GSTA4: variants seen among roughly 807,000 people sequenced by gnomAD.
GSTA4 encodes the protein glutathione S-transferase A4.
Under a neutral mutation model 24.4 loss-of-function variants are expected in GSTA4, and 15 were observed. The ratio of observed to expected loss-of-function variants is 0.61; its 90% CI spans 0.41 to 0.95. The LOEUF (loss-of-function observed/expected upper bound fraction) is 0.95, where lower values mean the gene tolerates loss of function less well. Among genes scored for constraint, GSTA4 ranks in the 40% least tolerant of loss-of-function variants. The pLI, the probability that GSTA4 is intolerant of heterozygous loss-of-function variation, is 0.00. For synonymous variants in GSTA4, 92 were observed against 94.2 expected (o/e 0.98, Z 0.13); for missense variants, 244 against 262.1 (o/e 0.93, Z 0.48).
chr6:52,981,870 T>C (rs889241105), intron 6 of GSTA4, among the ~76,000 whole-genome samples: 1 of 152,204 alleles, frequency 6.6e-6, no homozygotes, highest in Non-Finnish European at 1.5e-5. Flanking sequence ...TGATCAATCC[T>C]GCCAGAATAA....
chr6:52,994,416 A>C (rs993288467), intron 1 of GSTA4, 155 bp from the exon 2 acceptor site: 263 of 552,312 alleles, frequency 4.8e-4, no homozygotes, highest in South Asian at 6.8e-4. Flanking sequence ...AGAAAAAAAA[A>C]CCACCATTTT....
chr6:52,984,365 TCA>T, intron 5 of GSTA4, 97 bp downstream of exon 5: 1 of 1,131,610 alleles, frequency 8.8e-7, no homozygotes, highest in South Asian at 1.5e-5. Context: ...TCAACTGGGC[TCA>T]GTTTTAAAAT....
chr6:52,990,526 GT>G (rs1763643047), intron 2 of GSTA4, among the ~76,000 whole-genome samples: 1 of 152,158 alleles, frequency 6.6e-6, no homozygotes, highest in South Asian at 2.1e-4. Flanking sequence ...TGATCAGCCT[GT>G]TCCTGTGATT....
chr6:52,978,235 C>T lies in GSTA4; in HGVS notation c.*235G>A, dbSNP rs1763382154. On this transcript the variant is annotated 3_prime_UTR_variant, in exon 7 of 7. Transcript: ENST00000370963. ...ACATGAGTAGCCCAATCAGATCTAA[C>T]TTAAATACCAGCCTCTCCAAAAAAG... is the stretch of plus-strand genomic sequence containing the variant. 1 of 471,618 alleles carries T rather than the reference C, an allele frequency of 2.1e-6. No homozygotes were observed. Among genetic ancestry groups the T allele is most frequent in the South Asian group, 2.5e-5 (1 of 39,632 alleles). The allele number at this position is 471,618 out of a possible 1,614,324, so 29.2% of individuals were successfully genotyped here.
chr6:52,994,446 C>A, intron 1 of GSTA4, 185 bp from the exon 2 acceptor site: 1 of 546,230 alleles, frequency 1.8e-6, no homozygotes, highest in East Asian at 2.9e-5. Flanking sequence ...AGAAAAAAAC[C>A]TTGGCTTTTA....
chr6:52,982,060 G>A (rs553262144), intron 6 of GSTA4, among the ~76,000 whole-genome samples: 3 of 152,330 alleles, frequency 2.0e-5, no homozygotes, highest in Admixed American at 6.5e-5. Flanking sequence ...ATAGCCTGAT[G>A]AATGAGACTG....
chr6:52,980,450 C>T (rs1045694257), intron 6 of GSTA4, among the ~76,000 whole-genome samples: 1 of 152,080 alleles, frequency 6.6e-6, no homozygotes, highest in Non-Finnish European at 1.5e-5. Context: ...ATTACAGGCA[C>T]ATGCCACCAT....
chr6:52,981,724 GA>G (rs45514994), intron 6 of GSTA4, among the ~76,000 whole-genome samples: 25,529 of 152,174 alleles, frequency 0.17, 2,594 homozygotes, highest in Admixed American at 0.27. Flanking sequence ...TAAGGTTCTA[GA>G]TAAAACTCAA....
intron 2 of GSTA4, 115 bp downstream of exon 2, chr6:52,994,042 G>A: frequency 1.3e-6 from 1 of 766,748 alleles, no homozygotes; most frequent in South Asian, 1.4e-5. Context: ...AGTGAAGCGT[G>A]CCTGTGATTT....
At chr6:52,991,745 G>A (rs1217902777) in intron 2 of GSTA4, among the ~76,000 whole-genome samples, 1 of 150,730 alleles carries the variant, frequency 6.6e-6, no homozygotes, top group Non-Finnish European at 1.5e-5. Context: ...CCAGATCTTG[G>A]CTATTAATAC....
At chr6:52,993,834 T>C in intron 2 of GSTA4, 1 of 381,926 alleles carries the variant, frequency 2.6e-6, no homozygotes, top group Non-Finnish European at 5.0e-6. Flanking sequence ...AACAAGAAAT[T>C]TACCCTGAGA....
intron 2 of GSTA4, among the ~76,000 whole-genome samples, chr6:52,993,128 A>T (rs1380092267): frequency 6.6e-6 from 1 of 152,204 alleles, no homozygotes; most frequent in Non-Finnish European, 1.5e-5. Context: ...ATTAGTAGAA[A>T]AAACAGTGAA....
At chr6:52,986,428 G>C (rs1763558095) in intron 3 of GSTA4, among the ~76,000 whole-genome samples, 1 of 152,118 alleles carries the variant, frequency 6.6e-6, no homozygotes, top group Non-Finnish European at 1.5e-5. Context: ...AACTAGCTGA[G>C]ACTCATGTAT....
chr6:52,984,668 T>G (rs939556799), intron 4 of GSTA4, 63 bp from the exon 5 acceptor site: 89 of 1,249,608 alleles, frequency 7.1e-5, no homozygotes, highest in Non-Finnish European at 8.3e-5. Flanking sequence ...TTTCCACAAC[T>G]AAGAATTCAG....
At chr6:52,982,475 T>TAG (rs1554164373) in intron 6 of GSTA4, 99 bp downstream of exon 6, 6 of 577,354 alleles carry the variant, frequency 1.0e-5, no homozygotes, top group African/African-American at 9.7e-5. Context: ...ATATTACACA[T>TAG]ACACACACAC....
chr6:52,980,925 C>G (rs1763440609), intron 6 of GSTA4, among the ~76,000 whole-genome samples: 2 of 152,172 alleles, frequency 1.3e-5, no homozygotes, highest in African/African-American at 4.8e-5. Context: ...GCCTAGCAGA[C>G]TGACTGGAAT....
intron 3 of GSTA4, among the ~76,000 whole-genome samples, chr6:52,986,502 A>C (rs1763560502): frequency 6.6e-6 from 1 of 152,208 alleles, no homozygotes; most frequent in African/African-American, 2.4e-5. Context: ...TTTACTACCA[A>C]GTTTGCTGTC....
At position 52,984,343 on chromosome 6, in the gene GSTA4, G is replaced by A. The variant is rs561210744; in HGVS notation, c.414+121C>T. 27 of 874,442 alleles carry A rather than the reference G, an allele frequency of 3.1e-5. No homozygotes were observed. The East Asian group carries it at 4.9e-4, about 16-fold the overall frequency. The allele number at this position is 874,442 out of a possible 1,614,324, so 54.2% of individuals were successfully genotyped here. A position where few individuals can be genotyped will look rare whatever the true frequency, so the allele number is the denominator to read the frequency against. Reference sequence around the variant, plus strand: ...TATTCGCTCTTAGGAGTCCATTAGCGCTTAGGTTAGTTCAACTGGGCTCAG... The same window carrying A: ...TATTCGCTCTTAGGAGTCCATTAGCACTTAGGTTAGTTCAACTGGGCTCAG... On this transcript the variant is annotated intron_variant, in intron 5 of 6. Coordinates refer to ENST00000370963, the MANE Select transcript of GSTA4 (RefSeq NM_001512.4).
chr6:52,994,687 T>G (rs1046252395), intron 1 of GSTA4, among the ~76,000 whole-genome samples: 1 of 152,142 alleles, frequency 6.6e-6, no homozygotes, highest in Non-Finnish European at 1.5e-5. Context: ...GTATTCATGC[T>G]TTTACATACA....
Sources: allele counts gnomAD v4.1 joint callset (sites outside exome capture counted in the v4.1 genomes callset), GRCh38; gene constraint gnomAD v4.1.1; transcripts MANE v1.5; gene names NCBI Gene and HGNC (gene_info 2026-07-23, HGNC 2026-07-21).